Variants in PTPRE observed in about 807,000 individuals in gnomAD.
The protein encoded by PTPRE is receptor-type tyrosine-protein phosphatase epsilon.
PTPRE carries 51 observed loss-of-function variants against 102.0 expected under a neutral mutation model. That is an observed-to-expected ratio of 0.50 (90% CI 0.40 to 0.63). PTPRE has a LOEUF of 0.63. Among genes scored for constraint, PTPRE ranks in the 30% least tolerant of loss-of-function variants. The pLI is 0.00. For missense variants in PTPRE, 752 were observed against 915.1 expected, an observed-to-expected ratio of 0.82 and a Z score of 2.30; for synonymous variants, 345 against 348.2, an observed-to-expected ratio of 0.99 and a Z score of 0.10.
chr10:127,992,400 G>A (rs1852766063), intron 2 of PTPRE, among the ~76,000 whole-genome samples: 1 of 152,158 alleles, frequency 6.6e-6, no homozygotes, highest in African/African-American at 2.4e-5. Context: ...AGAAGAAACT[G>A]AAAAGTTCTC....
intron 2 of PTPRE, among the ~76,000 whole-genome samples, chr10:128,034,160 C>G (rs985134272): frequency 6.6e-6 from 1 of 152,050 alleles, no homozygotes; most frequent in Admixed American, 6.6e-5. Context: ...AATGTTCGGG[C>G]CTTCAAAGAA....
chr10:127,940,053 G>A (rs1036319821), intron 1 of PTPRE, among the ~76,000 whole-genome samples: 4 of 150,034 alleles, frequency 2.7e-5, no homozygotes, highest in Admixed American at 6.7e-5. Flanking sequence ...GAGGCAGGTA[G>A]AGGCAGGAGG....
At chr10:127,955,812 C>A (rs1320123708) in intron 1 of PTPRE, among the ~76,000 whole-genome samples, 5 of 152,134 alleles carry the variant, frequency 3.3e-5, no homozygotes, top group Non-Finnish European at 7.4e-5. Context: ...CCTCAGAAAA[C>A]TTACAATCAT....
chr10:128,077,886 T>C, intron 19 of PTPRE, 103 bp downstream of exon 19: 1 of 1,343,178 alleles, frequency 7.4e-7, no homozygotes, highest in Non-Finnish European at 1.0e-6. Flanking sequence ...CCCCTGGCCA[T>C]GGTATTCCCT....
intron 1 of PTPRE, among the ~76,000 whole-genome samples, chr10:127,945,822 T>C (rs1054672292): frequency 8.5e-5 from 13 of 152,326 alleles, no homozygotes; most frequent in African/African-American, 3.1e-4. Flanking sequence ...TTCTCTGTTT[T>C]ATCCTTCATC....
intron 1 of PTPRE, among the ~76,000 whole-genome samples, chr10:127,940,454 A>G (rs1848163051): frequency 6.6e-6 from 1 of 151,860 alleles, no homozygotes; most frequent in African/African-American, 2.4e-5. Flanking sequence ...CCCTGCATGC[A>G]CCTCTCATTC....
intron 2 of PTPRE, among the ~76,000 whole-genome samples, chr10:128,025,889 A>G (rs922302140): frequency 2.6e-5 from 4 of 152,192 alleles, no homozygotes; most frequent in African/African-American, 4.8e-5. Context: ...GCTTGTGTGT[A>G]TAGGGTGCAG....
chr10:127,985,584 AAAAAAT>A (rs1460845413), intron 2 of PTPRE, among the ~76,000 whole-genome samples: 1 of 152,262 alleles, frequency 6.6e-6, no homozygotes, highest in East Asian at 1.9e-4. Flanking sequence ...ACCCTGTCTC[AAAAAAT>A]AAAAATAAAA....
At chr10:127,950,617 T>G (rs989254613) in intron 1 of PTPRE, among the ~76,000 whole-genome samples, 11 of 152,154 alleles carry the variant, frequency 7.2e-5, no homozygotes, top group African/African-American at 2.7e-4. Flanking sequence ...CCTCAGTCAC[T>G]CAATTAGGAA....
At chr10:128,046,693 C>T (rs1016136013) in intron 3 of PTPRE, among the ~76,000 whole-genome samples, 1 of 152,098 alleles carries the variant, frequency 6.6e-6, no homozygotes, top group East Asian at 1.9e-4. Context: ...AAGGTGGCAG[C>T]GAGGCCACCA....
At chr10:128,040,808 G>A (rs1847622405) in intron 2 of PTPRE, 67 bp from the exon 3 acceptor site, 2 of 1,258,514 alleles carry the variant, frequency 1.6e-6, no homozygotes, top group Admixed American at 1.8e-5. Flanking sequence ...CATCATCACT[G>A]CCTGGCACCG....
At chr10:128,076,485 T>TA in intron 17 of PTPRE, 118 bp from the exon 18 acceptor site, 1 of 1,053,256 alleles carries the variant, frequency 9.5e-7, no homozygotes, top group Non-Finnish European at 1.3e-6. Flanking sequence ...CATATGTTTT[T>TA]TTTTTTGGTC....
At chr10:127,947,296 A>G (rs1233689626) in intron 1 of PTPRE, among the ~76,000 whole-genome samples, 1 of 152,196 alleles carries the variant, frequency 6.6e-6, no homozygotes, top group African/African-American at 2.4e-5. Context: ...AAATTCTCAG[A>G]GGTATGTTTA....
At chr10:128,002,507 A>C (rs528927759) in intron 2 of PTPRE, among the ~76,000 whole-genome samples, 2 of 152,020 alleles carry the variant, frequency 1.3e-5, no homozygotes, top group African/African-American at 2.4e-5. Flanking sequence ...GTAGGTAGGC[A>C]GGAAAAGTCA....
intron 1 of PTPRE, among the ~76,000 whole-genome samples, chr10:127,927,859 G>A (rs912895228): frequency 2.6e-5 from 4 of 152,122 alleles, no homozygotes; most frequent in African/African-American, 4.8e-5. Context: ...TACCTGGTGC[G>A]TTTTAATGAA....
rs771223956 is a variant in PTPRE, at chr10:128,068,260, C to T, written c.981C>T (p.His327=). 195 of 1,613,886 alleles carry T rather than the reference C, an allele frequency of 1.2e-4. 5 individuals carry two copies. The South Asian group carries it at 2.0e-3, about 16-fold the overall frequency. Residue 327 remains histidine, a synonymous_variant, in exon 12 of 21, where the codon CAC becomes CAT. Transcript: ENST00000254667. Reference sequence around the variant, plus strand: ...AAGTAAAGACGCTCAACCCCGTGCACGCTGGGCCCATCGTGGTCCACTGTA... The same window carrying T: ...AAGTAAAGACGCTCAACCCCGTGCATGCTGGGCCCATCGTGGTCCACTGTA... ...LKKVKTLNPV[H]AGPIVVHCSA...
rs199981633 is a variant in PTPRE at position 128,005,187 on chromosome 10, A to T, written c.-8+22891A>T. Among the ~76,000 whole-genome samples, 3 of 152,362 alleles carry T rather than the reference A, an allele frequency of 2.0e-5. No individual in the cohort carries two copies. The East Asian group carries it at 5.8e-4, about 29-fold the overall frequency. On this transcript the variant is annotated intron_variant, in intron 2 of 20. Transcript: ENST00000254667. Reference sequence around the variant, plus strand: ...AATACGTTTTCACATTCTGTAGGTCATCTTTTCACTTTGCTGACGCTGTCT... The same window carrying T: ...AATACGTTTTCACATTCTGTAGGTCTTCTTTTCACTTTGCTGACGCTGTCT...
intron 1 of PTPRE, among the ~76,000 whole-genome samples, chr10:127,963,540 G>A (rs372262553): frequency 3.9e-5 from 6 of 152,304 alleles, no homozygotes; most frequent in African/African-American, 7.2e-5. Context: ...AAATAACATA[G>A]GCGTCTTTAC....
intron 3 of PTPRE, among the ~76,000 whole-genome samples, chr10:128,047,060 G>A (rs1311565650): frequency 3.9e-5 from 6 of 152,286 alleles, no homozygotes; most frequent in Admixed American, 3.3e-4. Context: ...AGTGGACACC[G>A]GCCCCTTCAC....
Sources: allele counts gnomAD v4.1 joint callset (sites outside exome capture counted in the v4.1 genomes callset), GRCh38; gene constraint gnomAD v4.1.1; transcripts MANE v1.5; gene names NCBI Gene and HGNC (gene_info 2026-07-23, HGNC 2026-07-21).